MTHFD1L: variants seen among roughly 807,000 people sequenced by gnomAD.
MTHFD1L encodes the protein monofunctional C1-tetrahydrofolate synthase, mitochondrial.
MTHFD1L carries 81 observed loss-of-function variants against 119.5 expected under a neutral mutation model. That is an observed-to-expected ratio of 0.68 (90% CI 0.57 to 0.82). MTHFD1L has a LOEUF of 0.82. MTHFD1L is among the 40% of genes least tolerant of loss of function. The pLI, the probability that MTHFD1L is intolerant of heterozygous loss-of-function variation, is 0.00. For synonymous variants in MTHFD1L, 430 were observed against 475.2 expected (o/e 0.90, Z 1.24); for missense variants, 1,125 against 1,253.4 (o/e 0.90, Z 1.55).
At chr6:151,016,767 C>CTTTTT (rs1783125569) in intron 24 of MTHFD1L, 1 of 300,390 alleles carries the variant, frequency 3.3e-6, no homozygotes, top group African/African-American at 3.1e-5. Context: ...ACTATCTTAG[C>CTTTTT]CTTTTTTTTT....
In MTHFD1L at chr6:150,888,066, T is replaced by G. The variant is rs1782616671; in HGVS notation, c.780+85T>G. ...AGAAATGTATAAGCTAAGTGCTTAA[T>G]TCAAGAAATTAGAGGAAGAAAATTG... On this transcript the variant is annotated intron_variant, in intron 7 of 27. Transcript: ENST00000367321. 8 of 1,381,296 alleles carry G rather than the reference T, an allele frequency of 5.8e-6. No homozygotes were observed. In the South Asian group the frequency reaches 1.2e-4, roughly 21 times the overall value. 85.6% of individuals were successfully genotyped at this position (1,381,296 alleles called of 1,614,324 possible).
At chr6:151,034,085 A>G (rs1785751449) in intron 24 of MTHFD1L, among the ~76,000 whole-genome samples, 1 of 151,922 alleles carries the variant, frequency 6.6e-6, no homozygotes, top group Admixed American at 6.6e-5. Flanking sequence ...GGAGGCTGAG[A>G]TGGGAGGATC....
intron 24 of MTHFD1L, among the ~76,000 whole-genome samples, chr6:151,025,118 C>A (rs1468932890): frequency 1.3e-5 from 2 of 152,224 alleles, no homozygotes; most frequent in Non-Finnish European, 2.9e-5. Context: ...GCCTTTCTTC[C>A]ATTTCCCAGA....
At chr6:150,967,654 T>C (rs997802477) in intron 19 of MTHFD1L, among the ~76,000 whole-genome samples, 2 of 152,146 alleles carry the variant, frequency 1.3e-5, no homozygotes, top group African/African-American at 4.8e-5. Context: ...CCTAGAGGCC[T>C]GTTTTCCCTT....
intron 11 of MTHFD1L, among the ~76,000 whole-genome samples, chr6:150,932,185 A>G (rs534209427): frequency 4.7e-5 from 7 of 148,598 alleles, no homozygotes; most frequent in African/African-American, 1.5e-4. Context: ...AAAAAAAAAA[A>G]GCATCATTCC....
At chr6:150,875,618 G>A (rs13194204) in intron 1 of MTHFD1L, among the ~76,000 whole-genome samples, 9,357 of 151,484 alleles carry the variant, frequency 0.062, 367 homozygotes, top group Non-Finnish European at 0.084. Flanking sequence ...ATCCTGTCTC[G>A]ACACTTCTTG....
intron 8 of MTHFD1L, among the ~76,000 whole-genome samples, chr6:150,917,167 T>C (rs1788121211): frequency 6.6e-6 from 1 of 152,192 alleles, no homozygotes; most frequent in South Asian, 2.1e-4. Flanking sequence ...ATCTGCCTTC[T>C]CACGCTTTGC....
intron 26 of MTHFD1L, among the ~76,000 whole-genome samples, chr6:151,083,476 G>A (rs868512352): frequency 2.6e-5 from 4 of 152,200 alleles, no homozygotes; most frequent in East Asian, 1.9e-4. Flanking sequence ...GATTACAGGC[G>A]TGAGCCACAG....
intron 26 of MTHFD1L, among the ~76,000 whole-genome samples, chr6:151,044,029 C>T (rs1472100757): frequency 6.6e-6 from 1 of 152,174 alleles, no homozygotes; most frequent in Non-Finnish European, 1.5e-5. Context: ...TGAAACTATC[C>T]AGAAGCATTT....
intron 7 of MTHFD1L, among the ~76,000 whole-genome samples, chr6:150,890,961 G>T (rs973821683): frequency 2.0e-5 from 3 of 152,126 alleles, no homozygotes; most frequent in African/African-American, 7.2e-5. Context: ...GCTGTAGATA[G>T]CAACATGTTT....
At chr6:150,897,710 G>T (rs1297885247) in intron 7 of MTHFD1L, among the ~76,000 whole-genome samples, 1 of 152,180 alleles carries the variant, frequency 6.6e-6, no homozygotes, top group Non-Finnish European at 1.5e-5. Context: ...CAAAGAACAG[G>T]CAGGAAGCAT....
intron 16 of MTHFD1L, among the ~76,000 whole-genome samples, chr6:150,953,723 T>C (rs1381829105): frequency 6.6e-6 from 1 of 152,146 alleles, no homozygotes; most frequent in African/African-American, 2.4e-5. Flanking sequence ...CCAGACATTT[T>C]TTTTTCTTGT....
At chr6:150,901,540 C>T (rs918664341) in intron 7 of MTHFD1L, among the ~76,000 whole-genome samples, 55 of 152,220 alleles carry the variant, frequency 3.6e-4, no homozygotes, top group Admixed American at 3.1e-3. Context: ...CATAATGTAA[C>T]CCATAAAGCC....
intron 1 of MTHFD1L, 78 bp downstream of exon 1, chr6:150,866,127 C>T (rs1429298775): frequency 6.9e-7 from 1 of 1,442,726 alleles, no homozygotes. Flanking sequence ...CCGGGACCGC[C>T]GTGGGGAGCG....
chr6:151,037,321 T>A (rs1467400359), intron 26 of MTHFD1L, among the ~76,000 whole-genome samples: 1 of 152,240 alleles, frequency 6.6e-6, no homozygotes, highest in Non-Finnish European at 1.5e-5. Flanking sequence ...TTAGATCATG[T>A]GTTCAGGGTC....
chr6:150,897,844 T>TA (rs975119098), intron 7 of MTHFD1L, among the ~76,000 whole-genome samples: 1 of 151,556 alleles, frequency 6.6e-6, no homozygotes, highest in Non-Finnish European at 1.5e-5. Context: ...AATTAGAATT[T>TA]AAAAAAAAAA....
At chr6:150,977,157 T>C (rs1274849584) in intron 20 of MTHFD1L, among the ~76,000 whole-genome samples, 1 of 152,162 alleles carries the variant, frequency 6.6e-6, no homozygotes, top group African/African-American at 2.4e-5. Flanking sequence ...CTTGATTAAG[T>C]ACTATATTAG....
At chr6:150,930,485 A>G (rs1790853253) in intron 11 of MTHFD1L, among the ~76,000 whole-genome samples, 3 of 152,216 alleles carry the variant, frequency 2.0e-5, no homozygotes, top group South Asian at 4.1e-4. Flanking sequence ...TCTGAAAATA[A>G]TATTAGCTTA....
chr6:151,053,156 A>G (rs1209122064), intron 26 of MTHFD1L, among the ~76,000 whole-genome samples: 1 of 152,222 alleles, frequency 6.6e-6, no homozygotes, highest in Non-Finnish European at 1.5e-5. Context: ...ACTTGTACAA[A>G]TAGTTCTGAT....
Sources: allele counts gnomAD v4.1 joint callset (sites outside exome capture counted in the v4.1 genomes callset), GRCh38; gene constraint gnomAD v4.1.1; transcripts MANE v1.5; gene names NCBI Gene and HGNC (gene_info 2026-07-23, HGNC 2026-07-21).